The following WEE2 variants were observed in gnomAD, a reference collection of about 807,000 sequenced individuals.
The protein encoded by WEE2 is WEE2 oocyte meiosis inhibiting kinase.
Under a neutral mutation model 60.1 loss-of-function variants are expected in WEE2, and 50 were observed. The ratio of observed to expected loss-of-function variants is 0.83; its 90% confidence interval spans 0.66 to 1.05. The LOEUF is 1.05. Among genes scored for constraint, WEE2 ranks in the 50% least tolerant of loss-of-function variants. WEE2 has a pLI of 0.00. For missense variants in WEE2, 631 were observed against 684.3 expected (o/e 0.92, Z 0.87); for synonymous variants, 240 against 241.0 (o/e 1.00, Z 0.04).
At chr7:141,724,132 C>T in intron 7 of WEE2, 58 bp from the exon 8 acceptor site, 1 of 1,579,918 alleles carries the variant, frequency 6.3e-7, no homozygotes, top group South Asian at 1.2e-5. Flanking sequence ...TTAAGAAAGA[C>T]ATGCTTTTAA....
chr7:141,727,353 C>T lies in WEE2; in HGVS notation c.1442C>T (p.Ala481Val). 6.2e-7 allele frequency: 1 copy of T among 1,614,108 alleles called. No homozygotes were observed. Among genetic ancestry groups the T allele is most frequent in the South Asian group, 1.1e-5 (1 of 91,072 alleles). The stretch of plus-strand genomic sequence containing the variant: ...CAGAGACCTTCTGCAGCAGCTCTGG[C>T]CAGAAATACAGTTCTCCGGCCTTCC... ...AEQRPSAAALARNTVLRPSLG... is the reference protein window; with the variant it reads ...AEQRPSAAALVRNTVLRPSLG... Residue 481 changes from alanine (A) to valine (V), a missense_variant, in exon 10 of 12, where the codon GCC becomes GTC. By Grantham distance (64) the Ala-to-Val change is moderately conservative (BLOSUM62 0). Coordinates refer to ENST00000397541, the MANE Select transcript of WEE2 (RefSeq NM_001105558.1).
chr7:141,729,988 TAAAA>T (rs752330849), intron 11 of WEE2, among the ~76,000 whole-genome samples: 4 of 99,346 alleles, frequency 4.0e-5, no homozygotes, highest in Non-Finnish European at 6.3e-5. Flanking sequence ...ACTCTGTATC[TAAAA>T]AAAAAAAAAA....
intron 9 of WEE2, among the ~76,000 whole-genome samples, chr7:141,726,982 C>T (rs899290895): frequency 2.6e-5 from 4 of 152,154 alleles, no homozygotes; most frequent in Non-Finnish European, 5.9e-5. Flanking sequence ...GGGTTTTGGT[C>T]TTGTCCATTC....
chr7:141,718,962 C>A (rs1798854726), intron 3 of WEE2, 110 bp from the exon 4 acceptor site: 1 of 1,030,418 alleles, frequency 9.7e-7, no homozygotes, highest in African/African-American at 1.6e-5. Context: ...GCAGTCACCT[C>A]AAAAGTCTTT....
rs1211144299 is a variant in WEE2 at position 141,724,051 on chromosome 7, T to C, written c.1135+3T>C. The C allele has an allele frequency of 1.4e-5, 23 of 1,604,368 alleles. No individual in the cohort carries two copies. The highest frequency in any genetic ancestry group is 2.0e-5 in the Non-Finnish European group (23 of 1,172,314). ...TGCCAATGTGATGTATAAAATTGGT[T>C]AGTCTGCCTTATAGCCTTACCAGTT... On this transcript the variant is annotated splice_donor_region_variant and intron_variant, in intron 7 of 11. Transcript: ENST00000397541.
intron 1 of WEE2, among the ~76,000 whole-genome samples, chr7:141,710,040 G>A (rs1798687180): frequency 6.6e-6 from 1 of 152,162 alleles, no homozygotes; most frequent in Non-Finnish European, 1.5e-5. Flanking sequence ...ATGTATACCA[G>A]GAAATTCTAA....
Position 141,724,182 on chromosome 7 carries a change from T to G in WEE2, c.1136-8T>G. 1 of 1,598,770 alleles carries G rather than the reference T, an allele frequency of 6.3e-7. No homozygotes were observed. ...ATTTTATTCTTTTTTCCTTTTTCTT[T>G]TTTTTAGGTGACCTGGGCCACGCAA... On this transcript the variant is annotated splice_polypyrimidine_tract_variant and splice_region_variant and intron_variant, in intron 7 of 11. Transcript: ENST00000397541.
chr7:141,719,905 A>G (rs1406443827), intron 4 of WEE2, among the ~76,000 whole-genome samples: 2 of 152,212 alleles, frequency 1.3e-5, no homozygotes, highest in Non-Finnish European at 2.9e-5. Context: ...AAGTTATTAT[A>G]AAGTCACTGG....
intron 3 of WEE2, among the ~76,000 whole-genome samples, 155 bp from the exon 4 acceptor site, chr7:141,718,917 T>A (rs925559358): frequency 1.3e-5 from 2 of 152,200 alleles, no homozygotes; most frequent in African/African-American, 4.8e-5. Flanking sequence ...GGGAGATTCT[T>A]GCTACCATGA....
At chr7:141,718,070 A>G (rs535716042) in intron 3 of WEE2, among the ~76,000 whole-genome samples, 40 of 152,318 alleles carry the variant, frequency 2.6e-4, no homozygotes, top group African/African-American at 8.9e-4. Context: ...CAAGAAGGGA[A>G]CAGAGCTTGA....
At chr7:141,717,727 G>C (rs1798831538) in intron 3 of WEE2, among the ~76,000 whole-genome samples, 1 of 152,168 alleles carries the variant, frequency 6.6e-6, no homozygotes, top group African/African-American at 2.4e-5. Context: ...GGTAGGAAGA[G>C]ATTGTATATT....
rs752330849 is a variant in WEE2, at chr7:141,729,988, T to TAA, written c.1679-286_1679-285dup. Reference sequence around the variant, plus strand: ...GGGCAACAGAGCGAGACTCTGTATCTAAAAAAAAAAAAAAAAAAAAAACTC... The same window carrying TAA: ...GGGCAACAGAGCGAGACTCTGTATCTAAAAAAAAAAAAAAAAAAAAAAAACTC... On this transcript the variant is annotated intron_variant, in intron 11 of 11. Transcript: ENST00000397541. 7.1e-3 allele frequency among the ~76,000 whole-genome samples: 704 copies of TAA among 99,230 alleles called. 11 individuals are homozygous for TAA. Among genetic ancestry groups the TAA allele is most frequent in the African/African-American group, 0.023 (616 of 26,860 alleles). 65.1% of individuals were successfully genotyped at this position (99,230 alleles called of 152,430 possible).
At chr7:141,725,452 C>T (rs1444975176) in intron 9 of WEE2, among the ~76,000 whole-genome samples, 2 of 151,848 alleles carry the variant, frequency 1.3e-5, no homozygotes, top group African/African-American at 2.4e-5. Flanking sequence ...GGTGAAACCC[C>T]GTCTCTACTA....
chr7:141,725,867 C>T (rs1194677098), intron 9 of WEE2, among the ~76,000 whole-genome samples: 1 of 152,182 alleles, frequency 6.6e-6, no homozygotes, highest in Non-Finnish European at 1.5e-5. Flanking sequence ...GACTGGCTAA[C>T]TCCAAAATCA....
chr7:141,727,725 G>A (rs776434657), intron 10 of WEE2: 4 of 368,814 alleles, frequency 1.1e-5, no homozygotes, highest in African/African-American at 4.1e-5. Flanking sequence ...GAAAACTTAG[G>A]ATTCTAAGTG....
rs1221123557 is a variant in WEE2 at position 141,725,181 on chromosome 7, T to C, written c.1377T>C (p.Phe459=). Residue 459 remains phenylalanine (F), a synonymous_variant, in exon 9 of 12, where the codon TTT becomes TTC. Transcript: ENST00000397541. ...PDVPQELSES[F]SSLLKNMIQP... ...TTCCTCAGGAGCTCTCAGAAAGCTT[T>C]TCCAGTCTGCTCAAGGTGATAGCTC... 1 of 1,613,902 alleles carries C rather than the reference T, an allele frequency of 6.2e-7. No individual in the cohort carries two copies.
intron 1 of WEE2, among the ~76,000 whole-genome samples, chr7:141,712,285 A>G (rs1381648326): frequency 6.6e-6 from 1 of 152,144 alleles, no homozygotes; most frequent in Non-Finnish European, 1.5e-5. Context: ...CTCTGTCCCA[A>G]GATACTATGT....
chr7:141,708,694 T>C lies in WEE2; in HGVS notation c.-65T>C. On this transcript the variant is annotated 5_prime_UTR_variant, in exon 1 of 12. Transcript: ENST00000397541. Reference sequence around the variant, plus strand: ...TAAGTTATTTTCTCCTCCCTGCTTCTGTAGGTTCACAGCGTTCCCTTCTGA... The same window carrying C: ...TAAGTTATTTTCTCCTCCCTGCTTCCGTAGGTTCACAGCGTTCCCTTCTGA... 3 of 1,399,020 alleles carry C rather than the reference T, an allele frequency of 2.1e-6. No individual in the cohort carries two copies. Among genetic ancestry groups the C allele is most frequent in the Non-Finnish European group, 2.9e-6 (3 of 1,019,442 alleles). The allele number at this position is 1,399,020 out of a possible 1,614,324, so 86.7% of individuals were successfully genotyped here. A position where few individuals can be genotyped will look rare whatever the true frequency, so the allele number is the denominator to read the frequency against.
intron 4 of WEE2, among the ~76,000 whole-genome samples, chr7:141,719,698 C>T (rs1252713837): frequency 2.0e-5 from 3 of 152,164 alleles, no homozygotes; most frequent in Non-Finnish European, 4.4e-5. Context: ...ATCTGCCTGC[C>T]GTGGCCTCCC....
Sources: gnomAD v4.1 joint callset for allele counts (sites outside exome capture counted in the v4.1 genomes callset) on GRCh38, gnomAD v4.1.1 for gene constraint, MANE v1.5 for transcripts, NCBI Gene and HGNC (gene_info 2026-07-23, HGNC 2026-07-21) for gene names.